The following RPA3 variants were observed in gnomAD, a reference collection of about 807,000 sequenced individuals.
RPA3 encodes replication protein A 14 kDa subunit.
RPA3 carries 24 observed loss-of-function variants against 13.7 expected under a neutral mutation model. That is an observed-to-expected ratio of 1.75 (90% CI 1.27 to 2.46). The LOEUF (loss-of-function observed/expected upper bound fraction) is 2.46, where lower values mean the gene tolerates loss of function less well. Ranked by LOEUF, RPA3 falls within the 30% of genes most tolerant of loss-of-function variation. The pLI is 0.00. For synonymous variants in RPA3, 59 were observed against 51.2 expected, an observed-to-expected ratio of 1.15 and a Z score of -0.65; for missense variants, 183 against 151.0, an observed-to-expected ratio of 1.21 and a Z score of -1.11.
intron 6 of RPA3, 112 bp downstream of exon 6, chr7:7,638,958 C>T: frequency 1.4e-6 from 1 of 704,276 alleles, no homozygotes; most frequent in Non-Finnish European, 2.2e-6. Context: ...GGACGTTTTA[C>T]CAGCTCATCC....
chr7:7,684,752 T>C (rs1424829826), intron 4 of RPA3, among the ~76,000 whole-genome samples: 1 of 152,224 alleles, frequency 6.6e-6, no homozygotes, highest in East Asian at 1.9e-4. Context: ...ATTTGACAGA[T>C]TAACACCCGT....
At chr7:7,647,526 C>T (rs766603324) in intron 4 of RPA3, among the ~76,000 whole-genome samples, 4 of 152,182 alleles carry the variant, frequency 2.6e-5, no homozygotes, top group Non-Finnish European at 5.9e-5. Flanking sequence ...CTTAATATCT[C>T]AATTATCGAT....
chr7:7,703,616 T>G (rs1780522227), intron 2 of RPA3, among the ~76,000 whole-genome samples: 2 of 152,126 alleles, frequency 1.3e-5, no homozygotes, highest in Non-Finnish European at 2.9e-5. Context: ...TTTGTCCTAA[T>G]CAGTTCAGGG....
chr7:7,642,373 C>G (rs916419873), intron 4 of RPA3, among the ~76,000 whole-genome samples: 2 of 151,752 alleles, frequency 1.3e-5, no homozygotes, highest in Admixed American at 6.6e-5. Context: ...AGGCTTATCT[C>G]AAACTCCTGG....
At chr7:7,646,577 C>G (rs534643332) in intron 4 of RPA3, among the ~76,000 whole-genome samples, 1 of 149,562 alleles carries the variant, frequency 6.7e-6, no homozygotes, top group African/African-American at 2.5e-5. Context: ...TCCCCAGCCA[C>G]GTGGAACTGT....
At chr7:7,648,677 C>T (rs1370084600) in intron 4 of RPA3, among the ~76,000 whole-genome samples, 1 of 151,678 alleles carries the variant, frequency 6.6e-6, no homozygotes, top group Non-Finnish European at 1.5e-5. Flanking sequence ...ATGGTGAAAG[C>T]CCATCTCTAC....
intron 4 of RPA3, among the ~76,000 whole-genome samples, chr7:7,649,194 A>G (rs1381034070): frequency 9.9e-5 from 15 of 151,894 alleles, no homozygotes; most frequent in Non-Finnish European, 1.6e-4. Context: ...AGAAAAGAAT[A>G]AAAAAGGAAA....
intron 1 of RPA3, among the ~76,000 whole-genome samples, chr7:7,716,218 A>G (rs1455514792): frequency 1.3e-5 from 2 of 152,194 alleles, no homozygotes; most frequent in African/African-American, 2.4e-5. Flanking sequence ...AAATAGTTCT[A>G]TGTTGTATTG....
chr7:7,643,421 A>G (rs1785019761), intron 4 of RPA3, among the ~76,000 whole-genome samples: 1 of 152,210 alleles, frequency 6.6e-6, no homozygotes, highest in Non-Finnish European at 1.5e-5. Context: ...TAAAAGTCCT[A>G]GGATCAGGGC....
intron 2 of RPA3, among the ~76,000 whole-genome samples, chr7:7,707,305 A>G (rs1477101158): frequency 1.3e-5 from 2 of 152,150 alleles, no homozygotes; most frequent in Non-Finnish European, 2.9e-5. Context: ...AACTCAGAAG[A>G]CTTCAGAAAA....
intron 4 of RPA3, among the ~76,000 whole-genome samples, chr7:7,651,955 C>G (rs924546016): frequency 6.6e-6 from 1 of 152,170 alleles, no homozygotes; most frequent in Non-Finnish European, 1.5e-5. Flanking sequence ...GCCCTCCTGA[C>G]TCCTCCCTCT....
chr7:7,714,931 G>A (rs1780859187), intron 2 of RPA3, among the ~76,000 whole-genome samples: 1 of 150,486 alleles, frequency 6.6e-6, no homozygotes, highest in Admixed American at 6.6e-5. Context: ...GCAGAACAGG[G>A]GCACTAGAAT....
chr7:7,665,875 T>C (rs1779441199), intron 4 of RPA3, among the ~76,000 whole-genome samples: 1 of 152,152 alleles, frequency 6.6e-6, no homozygotes, highest in African/African-American at 2.4e-5. Flanking sequence ...CACTATTTTG[T>C]TTCCCTTTTA....
intron 4 of RPA3, among the ~76,000 whole-genome samples, chr7:7,663,284 C>CTTTGTT (rs201200361): frequency 1.5e-5 from 1 of 66,298 alleles, no homozygotes; most frequent in Non-Finnish European, 3.2e-5. Flanking sequence ...ATAGTTTTTT[C>CTTTGTT]TTTCTTTGTT....
rs570595490 is a variant in RPA3, at chr7:7,669,138, C to G, written c.-758+16692G>C. ...ATGAAGCAACATTACTTGGGGGAAC[C>G]TTTTGTATAGGAAAAAACATACTGT... is the stretch of plus-strand genomic sequence containing the variant. On this transcript the variant is annotated intron_variant, in intron 4 of 7. Transcript: ENST00000223129. Among the ~76,000 whole-genome samples, 67 of 151,908 alleles carry G rather than the reference C, an allele frequency of 4.4e-4. 1 individual carries two copies. The highest frequency in any genetic ancestry group is 1.6e-3 in the African/African-American group (67 of 41,416).
At chr7:7,713,833 A>G (rs1282303251) in intron 2 of RPA3, among the ~76,000 whole-genome samples, 4 of 152,122 alleles carry the variant, frequency 2.6e-5, no homozygotes, top group Admixed American at 1.3e-4. Flanking sequence ...TCAAAAAATT[A>G]AAAAAATTTT....
chr7:7,681,963 A>AC (rs1779923890), intron 4 of RPA3, among the ~76,000 whole-genome samples: 1 of 152,218 alleles, frequency 6.6e-6, no homozygotes, highest in Non-Finnish European at 1.5e-5. Context: ...ATAACAACAA[A>AC]AAGTAATAGG....
At chr7:7,695,203 T>C (rs1780280401) in intron 2 of RPA3, among the ~76,000 whole-genome samples, 1 of 152,200 alleles carries the variant, frequency 6.6e-6, no homozygotes. Context: ...AAGCTCGCTG[T>C]TTCCAAGTAG....
At chr7:7,694,810 C>T (rs1780268582) in intron 2 of RPA3, among the ~76,000 whole-genome samples, 1 of 152,104 alleles carries the variant, frequency 6.6e-6, no homozygotes, top group Admixed American at 6.6e-5. Flanking sequence ...AGGTTGATTC[C>T]AAATCTTAGC....
Sources: gnomAD v4.1 joint callset for allele counts (sites outside exome capture counted in the v4.1 genomes callset) on GRCh38, gnomAD v4.1.1 for gene constraint, MANE v1.5 for transcripts, NCBI Gene and HGNC (gene_info 2026-07-23, HGNC 2026-07-21) for gene names.